The following IMMP2L variants were observed in gnomAD, a reference collection of about 807,000 sequenced individuals.
IMMP2L encodes the protein inner mitochondrial membrane peptidase subunit 2.
A neutral mutation model predicts 19.3 loss-of-function variants in IMMP2L; 18 were observed. The observed-to-expected ratio is 0.93, with a 90% CI of 0.64 to 1.38. The LOEUF (loss-of-function observed/expected upper bound fraction) is 1.38, where lower values mean the gene tolerates loss of function less well. IMMP2L is among the 40% of genes most tolerant of loss of function. IMMP2L has a pLI of 0.00. For synonymous variants in IMMP2L, 76 were observed against 73.0 expected (o/e 1.04, Z -0.21); for missense variants, 233 against 218.2 (o/e 1.07, Z -0.43).
intron 4 of IMMP2L, among the ~76,000 whole-genome samples, chr7:110,912,796 C>G (rs1813200572): frequency 6.6e-6 from 1 of 151,932 alleles, no homozygotes; most frequent in Non-Finnish European, 1.5e-5. Context: ...TACATCTAGC[C>G]TGAAAGTAAA....
intron 3 of IMMP2L, among the ~76,000 whole-genome samples, chr7:111,034,509 T>G (rs1269218423): frequency 6.6e-6 from 1 of 152,100 alleles, no homozygotes; most frequent in Non-Finnish European, 1.5e-5. Context: ...ATTTCATAGT[T>G]ATTTTCCTCT....
At chr7:111,488,859 A>T (rs1417366372) in intron 2 of IMMP2L, among the ~76,000 whole-genome samples, 6 of 151,954 alleles carry the variant, frequency 3.9e-5, no homozygotes, top group African/African-American at 4.8e-5. Flanking sequence ...ATACACATCA[A>T]CATCTATTAT....
chr7:111,396,610 T>C (rs1159359599), intron 3 of IMMP2L, among the ~76,000 whole-genome samples: 2 of 152,082 alleles, frequency 1.3e-5, no homozygotes, highest in Admixed American at 1.3e-4. Flanking sequence ...GGCACATGTA[T>C]ACCTATTTAA....
intron 3 of IMMP2L, among the ~76,000 whole-genome samples, chr7:111,023,150 G>A (rs1041800480): frequency 1.6e-4 from 24 of 152,278 alleles, no homozygotes; most frequent in South Asian, 6.2e-4. Context: ...ATGAGATTTC[G>A]CATTTCTCTT....
intron 3 of IMMP2L, among the ~76,000 whole-genome samples, chr7:111,230,601 T>TG (rs1813605467): frequency 6.6e-6 from 1 of 152,048 alleles, no homozygotes; most frequent in African/African-American, 2.4e-5. Context: ...GCTTAGGTGG[T>TG]GGTATACATT....
intron 3 of IMMP2L, among the ~76,000 whole-genome samples, chr7:111,263,145 T>G (rs912124524): frequency 3.3e-5 from 5 of 151,780 alleles, no homozygotes; most frequent in African/African-American, 1.2e-4. Context: ...GGGTTTGGAG[T>G]AGATAAGTGA....
chr7:111,515,533 T>C (rs1386776652), intron 2 of IMMP2L, among the ~76,000 whole-genome samples: 3 of 152,184 alleles, frequency 2.0e-5, no homozygotes, highest in Non-Finnish European at 2.9e-5. Flanking sequence ...CTGACTTTAA[T>C]GTATACTTAC....
chr7:110,683,859 A>G (rs1161882023), intron 5 of IMMP2L, among the ~76,000 whole-genome samples: 2 of 152,106 alleles, frequency 1.3e-5, no homozygotes, highest in Non-Finnish European at 2.9e-5. Flanking sequence ...GAGTTCCTAC[A>G]AATAATAGTT....
intron 3 of IMMP2L, among the ~76,000 whole-genome samples, chr7:111,295,613 A>G (rs1821546590): frequency 6.6e-6 from 1 of 151,936 alleles, no homozygotes; most frequent in South Asian, 2.1e-4. Flanking sequence ...TTATACGGTT[A>G]TTCATAAGAA....
chr7:110,809,802 G>A (rs949796106), intron 5 of IMMP2L, among the ~76,000 whole-genome samples: 1 of 151,930 alleles, frequency 6.6e-6, no homozygotes, highest in Non-Finnish European at 1.5e-5. Context: ...CAATTCATTA[G>A]GCAAAATATA....
chr7:110,795,084 C>T (rs1446315841), intron 5 of IMMP2L, among the ~76,000 whole-genome samples: 1 of 152,030 alleles, frequency 6.6e-6, no homozygotes, highest in African/African-American at 2.4e-5. Flanking sequence ...ACACCAGGTG[C>T]TTTCCAAACA....
chr7:111,510,535 G>A (rs1186667526), intron 2 of IMMP2L, among the ~76,000 whole-genome samples: 1 of 152,060 alleles, frequency 6.6e-6, no homozygotes, highest in Non-Finnish European at 1.5e-5. Flanking sequence ...GCTAGCAAGA[G>A]CTCAACCAGA....
At chr7:111,119,002 C>G (rs1800246336) in intron 3 of IMMP2L, among the ~76,000 whole-genome samples, 1 of 151,854 alleles carries the variant, frequency 6.6e-6, no homozygotes, top group African/African-American at 2.4e-5. Context: ...TTTAAGACAC[C>G]CACCAGGATA....
intron 2 of IMMP2L, among the ~76,000 whole-genome samples, chr7:111,500,765 G>C (rs1464837297): frequency 1.3e-5 from 2 of 152,176 alleles, no homozygotes; most frequent in African/African-American, 2.4e-5. Flanking sequence ...TGAGGGTCCT[G>C]TCTGTTAGAA....
At chr7:110,856,087 C>T (rs1585042548) in intron 5 of IMMP2L, among the ~76,000 whole-genome samples, 1 of 151,962 alleles carries the variant, frequency 6.6e-6, no homozygotes, top group Non-Finnish European at 1.5e-5. Flanking sequence ...TGTTCATCTA[C>T]TACAGCAATC....
intron 5 of IMMP2L, among the ~76,000 whole-genome samples, chr7:110,720,739 T>C (rs901745943): frequency 1.3e-5 from 2 of 152,204 alleles, no homozygotes; most frequent in African/African-American, 4.8e-5. Flanking sequence ...CTATGTCGAA[T>C]ATTTCTGAAA....
At chr7:111,253,548 A>G (rs1816374672) in intron 3 of IMMP2L, among the ~76,000 whole-genome samples, 1 of 152,154 alleles carries the variant, frequency 6.6e-6, no homozygotes. Context: ...CCAGAAAATA[A>G]AAGTCTTGAG....
At chr7:111,155,191 G>A (rs1663305781) in intron 3 of IMMP2L, among the ~76,000 whole-genome samples, 1 of 152,140 alleles carries the variant, frequency 6.6e-6, no homozygotes, top group South Asian at 2.1e-4. Flanking sequence ...AGAAACAGAA[G>A]AACCTAAAGT....
intron 3 of IMMP2L, among the ~76,000 whole-genome samples, chr7:111,080,640 T>G (rs1382163345): frequency 6.6e-6 from 1 of 152,156 alleles, no homozygotes; most frequent in East Asian, 1.9e-4. Context: ...GTTAAACATT[T>G]GCTGTTTCCA....
Sources: gnomAD v4.1 joint callset for allele counts (sites outside exome capture counted in the v4.1 genomes callset) on GRCh38, gnomAD v4.1.1 for gene constraint, MANE v1.5 for transcripts, NCBI Gene and HGNC (gene_info 2026-07-23, HGNC 2026-07-21) for gene names.